TSPAN9: variants seen among roughly 807,000 people sequenced by gnomAD.
The protein encoded by TSPAN9 is tetraspanin 9, also known as tetraspanin-9.
In TSPAN9, 16 loss-of-function variants were observed where a neutral mutation model predicts 31.0. That is an observed-to-expected ratio of 0.52 (90% confidence interval 0.35 to 0.78). The LOEUF is 0.78. Among genes scored for constraint, TSPAN9 ranks in the 30% least tolerant of loss-of-function variants. TSPAN9 has a pLI of 0.01. For synonymous variants in TSPAN9, 145 were observed against 121.6 expected (o/e 1.19, Z -1.27); for missense variants, 272 against 312.5 (o/e 0.87, Z 0.98).
intron 2 of TSPAN9, among the ~76,000 whole-genome samples, chr12:3,086,562 G>C (rs2098300617): frequency 6.6e-6 from 1 of 152,018 alleles, no homozygotes; most frequent in African/African-American, 2.4e-5. Flanking sequence ...GTAGAGAGCA[G>C]TCCAGGGGGT....
intron 2 of TSPAN9, among the ~76,000 whole-genome samples, chr12:3,095,033 G>A (rs2098307277): frequency 1.0e-5 from 1 of 98,734 alleles, no homozygotes; most frequent in Non-Finnish European, 1.9e-5. Context: ...CGCAGTGTTT[G>A]TGTCCCTGAT....
At chr12:3,088,236 A>G (rs1591621164) in intron 2 of TSPAN9, among the ~76,000 whole-genome samples, 2 of 152,400 alleles carry the variant, frequency 1.3e-5, no homozygotes, top group African/African-American at 4.8e-5. Flanking sequence ...CTGGACATGC[A>G]GATTGCAAAG....
intron 2 of TSPAN9, among the ~76,000 whole-genome samples, chr12:3,174,915 T>C (rs997778356): frequency 6.6e-6 from 1 of 151,920 alleles, no homozygotes; most frequent in South Asian, 2.1e-4. Context: ...GATTAATACC[T>C]GAGGAGCTCC....
intron 2 of TSPAN9, among the ~76,000 whole-genome samples, chr12:3,155,882 A>G (rs2089524240): frequency 6.6e-6 from 1 of 152,118 alleles, no homozygotes; most frequent in African/African-American, 2.4e-5. Context: ...AGGGGGAGAT[A>G]AAGGGGAGTC....
chr12:3,190,641 A>G (rs116829016), intron 2 of TSPAN9, among the ~76,000 whole-genome samples: 3,612 of 152,308 alleles, frequency 0.024, 152 homozygotes, highest in African/African-American at 0.081. Context: ...CAGGCAGACT[A>G]TCAGCCCCGT....
rs576600825 is a variant in TSPAN9, at chr12:3,089,762, C to T, written c.-18+6043C>T. Among the ~76,000 whole-genome samples, 276 of 151,674 alleles carry T rather than the reference C, an allele frequency of 1.8e-3. 3 individuals carry two copies. Among genetic ancestry groups the T allele is most frequent in the Non-Finnish European group, 3.5e-3 (235 of 67,890 alleles). ...CCTGACTCTACAAAAAATTAAAAAA[C>T]GTAGCCAGGCATGCATACCTGTAGT... is the stretch of plus-strand genomic sequence containing the variant. On this transcript the variant is annotated intron_variant, in intron 2 of 8. Transcript: ENST00000011898.
intron 6 of TSPAN9, 61 bp from the exon 7 acceptor site, chr12:3,281,137 C>T (rs1862884644): frequency 3.9e-6 from 6 of 1,547,226 alleles, no homozygotes; most frequent in Non-Finnish European, 5.2e-6. Flanking sequence ...AGGGGAAGGC[C>T]CTGGGGAGGA....
intron 2 of TSPAN9, among the ~76,000 whole-genome samples, chr12:3,109,324 GT>G (rs1251699656): frequency 1.3e-5 from 2 of 151,034 alleles, no homozygotes; most frequent in Non-Finnish European, 3.0e-5. Context: ...GTGTGTGTGT[GT>G]GTTTGTGTGT....
intron 2 of TSPAN9, among the ~76,000 whole-genome samples, chr12:3,098,005 G>A (rs1233694632): frequency 6.6e-6 from 1 of 152,266 alleles, no homozygotes; most frequent in Non-Finnish European, 1.5e-5. Context: ...GTGTGGACGT[G>A]TGGAGACACG....
intron 8 of TSPAN9, 85 bp from the exon 9 acceptor site, chr12:3,282,960 C>A: frequency 7.1e-7 from 1 of 1,400,782 alleles, no homozygotes; most frequent in Non-Finnish European, 9.9e-7. Flanking sequence ...CTCTAGGTGC[C>A]CTGTGACATC....
intron 1 of TSPAN9, among the ~76,000 whole-genome samples, chr12:3,078,962 A>G (rs374068331): frequency 6.9e-6 from 1 of 145,204 alleles, no homozygotes; most frequent in African/African-American, 2.6e-5. Flanking sequence ...ATTCATACGT[A>G]ATCTTGTGAA....
intron 3 of TSPAN9, among the ~76,000 whole-genome samples, chr12:3,272,556 G>C (rs539098203): frequency 6.6e-6 from 1 of 151,582 alleles, no homozygotes; most frequent in African/African-American, 2.4e-5. Context: ...GCGCCCGGCC[G>C]TGTGTGTGTG....
In TSPAN9 at chr12:3,123,508, C is replaced by A. The variant is rs34117451; in HGVS notation, c.-18+39789C>A. On this transcript the variant is annotated intron_variant, in intron 2 of 8. Coordinates refer to ENST00000011898, the MANE Select transcript of TSPAN9 (RefSeq NM_006675.5). Reference sequence around the variant, plus strand: ...CACAGTCCCCGAAGGTTCTGAGTCTCTCTCCAGGCATTCAGGGCCTGGGCG... The same window carrying A: ...CACAGTCCCCGAAGGTTCTGAGTCTATCTCCAGGCATTCAGGGCCTGGGCG... 2.6e-5 allele frequency among the ~76,000 whole-genome samples: 4 copies of A among 151,918 alleles called. No homozygotes were observed. In the East Asian group the frequency reaches 7.7e-4, roughly 29 times the overall value.
At chr12:3,214,072 C>T (rs957871368) in intron 3 of TSPAN9, among the ~76,000 whole-genome samples, 5 of 152,188 alleles carry the variant, frequency 3.3e-5, no homozygotes, top group South Asian at 4.1e-4. Context: ...GCTAACTAGC[C>T]GTGTGATCCT....
At chr12:3,157,783 G>A (rs557492952) in intron 2 of TSPAN9, among the ~76,000 whole-genome samples, 2 of 152,248 alleles carry the variant, frequency 1.3e-5, no homozygotes, top group African/African-American at 4.8e-5. Flanking sequence ...TCAGGTGGGC[G>A]CTGGGCAGAC....
At chr12:3,219,922 C>G (rs1011509704) in intron 3 of TSPAN9, among the ~76,000 whole-genome samples, 4 of 150,710 alleles carry the variant, frequency 2.7e-5, no homozygotes, top group Non-Finnish European at 5.9e-5. Flanking sequence ...TGGAAGGCTG[C>G]GGCGGGCGGA....
intron 3 of TSPAN9, among the ~76,000 whole-genome samples, chr12:3,250,118 G>C (rs1268053054): frequency 6.6e-6 from 1 of 152,138 alleles, no homozygotes; most frequent in Non-Finnish European, 1.5e-5. Flanking sequence ...GAAGCGTCCA[G>C]TGCCCCTGTT....
At chr12:3,109,126 G>A (rs964649371) in intron 2 of TSPAN9, among the ~76,000 whole-genome samples, 1 of 147,880 alleles carries the variant, frequency 6.8e-6, no homozygotes, top group African/African-American at 2.6e-5. Flanking sequence ...TAGTAGAGAC[G>A]GGGGTTTCAC....
chr12:3,281,614 C>A, intron 7 of TSPAN9, 120 bp from the exon 8 acceptor site: 2 of 1,246,398 alleles, frequency 1.6e-6, no homozygotes, highest in South Asian at 1.4e-5. Flanking sequence ...AGGGCTGAGG[C>A]CAGGGAGGGC....
Sources: allele counts gnomAD v4.1 joint callset (sites outside exome capture counted in the v4.1 genomes callset), GRCh38; gene constraint gnomAD v4.1.1; transcripts MANE v1.5; gene names NCBI Gene and HGNC (gene_info 2026-07-23, HGNC 2026-07-21).